DST: variants seen among roughly 807,000 people sequenced by gnomAD.
The protein encoded by DST is bullous pemphigoid antigen.
DST carries 253 observed loss-of-function variants against 875.2 expected under a neutral mutation model. The observed-to-expected ratio is 0.29, with a 90% CI of 0.26 to 0.32. The LOEUF is 0.32. DST is among the 10% of genes least tolerant of loss of function. DST has a pLI of 1.00. For missense variants in DST, 8,287 were observed against 9,111.6 expected (o/e 0.91, Z 3.68); for synonymous variants, 3,124 against 3,197.1 (o/e 0.98, Z 0.77).
intron 77 of DST, among the ~76,000 whole-genome samples, chr6:56,505,030 T>C (rs1395567351): frequency 6.6e-6 from 1 of 152,098 alleles, no homozygotes; most frequent in Non-Finnish European, 1.5e-5. Context: ...ACAAACCATA[T>C]AGTAGGGCGA....
Position 56,508,753 on chromosome 6 carries a change from C to G in DST, c.19015G>C (p.Val6339Leu). The G allele has an allele frequency of 6.2e-7, 1 of 1,610,602 alleles. No individual in the cohort carries two copies. Among genetic ancestry groups the G allele is most frequent in the Non-Finnish European group, 8.5e-7 (1 of 1,177,612 alleles). Residue 6339 changes from valine to leucine, a missense_variant and splice_region_variant, in exon 75 of 104, where the codon GTT becomes CTT. Physicochemically the swap from Val to Leu is conservative, Grantham distance 32 (BLOSUM62 1). Coordinates refer to ENST00000680361, the MANE Select transcript of DST (RefSeq NM_001374736.1). ...GTDKDISAKA[V>L]QDKLDQMVFI... ...ACCATTTGGTCAAGCTTATCCTGAACAGCTATGAAGCAAAACAATATCCAC... is the reference window on the plus strand; with the variant it reads ...ACCATTTGGTCAAGCTTATCCTGAAGAGCTATGAAGCAAAACAATATCCAC...
intron 9 of DST, among the ~76,000 whole-genome samples, chr6:56,682,787 C>T (rs905921729): frequency 2.6e-5 from 4 of 152,088 alleles, no homozygotes; most frequent in African/African-American, 9.7e-5. Flanking sequence ...GACCAAGTGC[C>T]TCATGGAGCA....
chr6:56,617,254 G>A (rs1435983399), intron 36 of DST: 2 of 1,609,506 alleles, frequency 1.2e-6, no homozygotes, highest in Admixed American at 3.4e-5. Context: ...CAAAGTTCTG[G>A]AAGGTCTCTG....
At chr6:56,489,759 T>C (rs2152435573) in intron 85 of DST, 150 bp from the exon 86 acceptor site, 2 of 753,188 alleles carry the variant, frequency 2.7e-6, no homozygotes, top group East Asian at 2.9e-5. Context: ...AGTAATGCTT[T>C]CATCAGCAAA....
rs530988034 is a variant in DST, at chr6:56,827,821, A to C, written c.625+23576T>G. On this transcript the variant is annotated intron_variant, in intron 4 of 103. Transcript: ENST00000680361. ...ATATATGTGTGGAGACCCAAATGAT[A>C]AGAAACGGAGTTGGGCTACCATTCA... Among the ~76,000 whole-genome samples the C allele has an allele frequency of 5.9e-5, 9 of 152,286 alleles. No individual in the cohort carries two copies. In the East Asian group the frequency reaches 1.7e-3, roughly 29 times the overall value.
Position 56,624,739 on chromosome 6 carries a change from C to T in DST, c.4831-111G>A, listed in dbSNP as rs116167049. On this transcript the variant is annotated intron_variant, in intron 35 of 103. Coordinates refer to ENST00000680361, the MANE Select transcript of DST (RefSeq NM_001374736.1). ...CTAGGCCTTCAGACAGCAAAGCACA[C>T]AACTCCCCCCATAATAAATGATAAG... 9.3e-4 allele frequency: 669 copies of T among 719,678 alleles called. 1 individual carries two copies. In the African/African-American group the frequency reaches 0.01, roughly 11 times the overall value. The allele number at this position is 719,678 out of a possible 1,614,324, so 44.6% of individuals were successfully genotyped here.
chr6:56,826,952 G>T (rs1460318465), intron 4 of DST, among the ~76,000 whole-genome samples: 1 of 152,064 alleles, frequency 6.6e-6, no homozygotes, highest in Non-Finnish European at 1.5e-5. Flanking sequence ...AGTGCTGGAT[G>T]TTATAATAAG....
intron 4 of DST, among the ~76,000 whole-genome samples, chr6:56,821,768 A>G (rs1448703166): frequency 6.6e-6 from 1 of 152,228 alleles, no homozygotes; most frequent in East Asian, 1.9e-4. Context: ...CATTAGTAGG[A>G]AAATATAGAA....
Position 56,509,815 on chromosome 6 carries a change from C to T in DST, c.18839G>A (p.Arg6280Lys), listed in dbSNP as rs747119941. ...ESLERIVERL[R>K]QPPSISAEVE... is the part of the protein sequence containing the mutation. ...CTCTGCAGAGATAGAGGGTGGCTGC[C>T]TCAGACGTTCCACGATGCGTTCCAG... The change falls in exon 74 of 104, where the codon AGG becomes AAG. Residue 6280 changes from arginine (R) to lysine (K), a missense_variant. This residue lies in a region of DST where 1,292 missense variants were observed against 1,552.7 expected (regional missense o/e 0.83). Coordinates refer to ENST00000680361, the MANE Select transcript of DST (RefSeq NM_001374736.1). The T allele has an allele frequency of 6.2e-7, 1 of 1,613,656 alleles. No individual in the cohort carries two copies. The highest frequency in any genetic ancestry group is 1.7e-5 in the Admixed American group (1 of 59,988).
chr6:56,656,959 A>ATACCAATG (rs1271969558), intron 10 of DST, among the ~76,000 whole-genome samples: 1 of 152,204 alleles, frequency 6.6e-6, no homozygotes, highest in Non-Finnish European at 1.5e-5. Context: ...AATGTGTCCT[A>ATACCAATG]TACCAATGTT....
At position 56,605,697 on chromosome 6, in the gene DST, T is replaced by C. The variant is rs777996882; in HGVS notation, c.8931A>G (p.Lys2977=). 69 of 1,612,796 alleles carry C rather than the reference T, an allele frequency of 4.3e-5. No homozygotes were observed. The highest frequency in any genetic ancestry group is 4.0e-5 in the Non-Finnish European group (47 of 1,179,362). ...TATTCTTAAAATATTCATCTTTACCTTTCACAGAATCAGTCAATTCTGGCA... is the reference window on the plus strand; with the variant it reads ...TATTCTTAAAATATTCATCTTTACCCTTCACAGAATCAGTCAATTCTGGCA... The part of the protein sequence containing the change: ...SELPELTDSV[K]GKDEYFKNMT... The change falls in exon 40 of 104, where the codon AAA becomes AAG. Residue 2977 remains lysine (K), a synonymous_variant. Transcript: ENST00000680361.
chr6:56,920,923 T>TTTTTTTTTTTC (rs59362783), intron 2 of DST, among the ~76,000 whole-genome samples: 3 of 141,326 alleles, frequency 2.1e-5, no homozygotes, highest in South Asian at 2.3e-4. Flanking sequence ...TTTTTTTTTT[T>TTTTTTTTTTTC]CACAGAGACA....
Position 56,597,912 on chromosome 6 carries a change from C to T in DST, c.12023G>A (p.Gly4008Glu), listed in dbSNP as rs2098406762. 1 of 1,613,602 alleles carries T rather than the reference C, an allele frequency of 6.2e-7. No individual in the cohort carries two copies. The highest frequency in any genetic ancestry group is 8.5e-7 in the Non-Finnish European group (1 of 1,179,720). ...TTCGATTACCTGTTTGTGTTTTGTCCCTGCCCTTTCTGAGTCTTTGTCAAC... is the reference window on the plus strand; with the variant it reads ...TTCGATTACCTGTTTGTGTTTTGTCTCTGCCCTTTCTGAGTCTTTGTCAAC... ...SNVDKDSERA[G>E]TKHKQVIEQN... The change falls in exon 47 of 104, where the codon GGG becomes GAG. Residue 4008 changes from glycine (G) to glutamate (E), a missense_variant. Gly to Glu is a moderately conservative substitution (Grantham distance 98). Coordinates refer to ENST00000680361, the MANE Select transcript of DST (RefSeq NM_001374736.1).
At chr6:56,901,800 C>T (rs754296276) in intron 2 of DST, among the ~76,000 whole-genome samples, 1 of 152,072 alleles carries the variant, frequency 6.6e-6, no homozygotes, top group Non-Finnish European at 1.5e-5. Context: ...AACATGTCAG[C>T]TAAGTCATAT....
rs2098811525 is a variant in DST, at chr6:56,634,890, T to C, written c.3250A>G (p.Thr1084Ala). 1 of 1,613,762 alleles carries C rather than the reference T, an allele frequency of 6.2e-7. No homozygotes were observed. The highest frequency in any genetic ancestry group is 1.3e-5 in the African/African-American group (1 of 75,042). The change falls in exon 25 of 104, where the codon ACA becomes GCA. Residue 1084 changes from threonine to alanine, a missense_variant. Coordinates refer to ENST00000680361, the MANE Select transcript of DST (RefSeq NM_001374736.1). ...TTCCTTGGCTTCAGTTGAATTATTGTTTTTGCTTTTCCCATTAGGTTTGCT... is the reference window on the plus strand; with the variant it reads ...TTCCTTGGCTTCAGTTGAATTATTGCTTTTGCTTTTCCCATTAGGTTTGCT... The part of the protein sequence containing the change: ...TIANLMGKAK[T>A]IIQLKPRNSD...
At chr6:56,634,088 C>T (rs374739053) in intron 27 of DST, 44 bp downstream of exon 27, 9 of 1,609,748 alleles carry the variant, frequency 5.6e-6, no homozygotes, top group Non-Finnish European at 7.6e-6. Context: ...AAAAGGCATG[C>T]ACATTTTTGG....
intron 4 of DST, among the ~76,000 whole-genome samples, chr6:56,849,220 T>C (rs527313346): frequency 7.1e-6 from 1 of 141,488 alleles, no homozygotes; most frequent in East Asian, 2.3e-4. Flanking sequence ...CACTGCAACA[T>C]CTGCCTCCTG....
chr6:56,754,007 A>C (rs1186441067), intron 4 of DST, among the ~76,000 whole-genome samples: 7 of 152,234 alleles, frequency 4.6e-5, no homozygotes, highest in Admixed American at 4.6e-4. Context: ...AATGCTTCTT[A>C]AAATGGAGCT....
Position 56,702,072 on chromosome 6 carries a change from G to A in DST, c.877-107C>T, listed in dbSNP as rs983798929. 61 of 629,958 alleles carry A rather than the reference G, an allele frequency of 9.7e-5. 1 individual carries two copies. In the South Asian group the frequency reaches 1.2e-3, roughly 12 times the overall value. The allele number at this position is 629,958 out of a possible 1,614,324, so 39.0% of individuals were successfully genotyped here. A position where few individuals can be genotyped will look rare whatever the true frequency, so the allele number is the denominator to read the frequency against. On this transcript the variant is annotated intron_variant, in intron 7 of 103. Coordinates refer to ENST00000680361, the MANE Select transcript of DST (RefSeq NM_001374736.1). ...TTAATATATCAAAACAGTATTTACC[G>A]TTTAGGTAAGGCCATAAGATTTTCT...
Sources: gnomAD v4.1 joint callset for allele counts (sites outside exome capture counted in the v4.1 genomes callset) on GRCh38, gnomAD v4.1.1 for gene constraint, gnomAD v4.1.1 regional missense constraint, MANE v1.5 for transcripts, NCBI Gene and HGNC (gene_info 2026-07-23, HGNC 2026-07-21) for gene names.